Variants in UBE4B observed in about 807,000 individuals in gnomAD.
UBE4B encodes ubiquitination factor E4B.
A neutral mutation model predicts 148.1 loss-of-function variants in UBE4B; 27 were observed. The observed-to-expected ratio is 0.18, with a 90% CI of 0.13 to 0.25. The LOEUF (loss-of-function observed/expected upper bound fraction) is 0.25, where lower values mean the gene tolerates loss of function less well. Ranked by LOEUF, UBE4B falls within the 10% of genes least tolerant of loss-of-function variation. UBE4B has a pLI of 1.00. For synonymous variants in UBE4B, 596 were observed against 619.3 expected, an observed-to-expected ratio of 0.96 and a Z score of 0.56; for missense variants, 1,170 against 1,662.4, an observed-to-expected ratio of 0.70 and a Z score of 5.15.
chr1:10,050,944 G>A (rs760854448), intron 1 of UBE4B, among the ~76,000 whole-genome samples: 1 of 152,028 alleles, frequency 6.6e-6, no homozygotes, highest in Admixed American at 6.5e-5. Context: ...GTAGGCACTT[G>A]ATGAAAAAAG....
intron 11 of UBE4B, among the ~76,000 whole-genome samples, chr1:10,127,747 A>G (rs1385361854): frequency 1.3e-5 from 2 of 152,206 alleles, no homozygotes; most frequent in African/African-American, 4.8e-5. Context: ...TGTGCTAGAC[A>G]CTGGTGATAC....
chr1:10,055,858 G>A (rs1200165727), intron 1 of UBE4B, among the ~76,000 whole-genome samples: 1 of 152,194 alleles, frequency 6.6e-6, no homozygotes, highest in Non-Finnish European at 1.5e-5. Flanking sequence ...GATGGAGGTT[G>A]CAGTGAGCTG....
In UBE4B at chr1:10,132,602, G is replaced by A. The variant is rs146083700; in HGVS notation, c.2025+120G>A. 36 of 737,894 alleles carry A rather than the reference G, an allele frequency of 4.9e-5. 1 individual carries two copies. The East Asian group carries it at 7.5e-4, about 15-fold the overall frequency. 45.7% of individuals were successfully genotyped at this position (737,894 alleles called of 1,614,324 possible). ...GGGTACAGTATTGAACAAGGTAGAC[G>A]AGCTTCCTGCTTTTGTGGAGCCCAT... On this transcript the variant is annotated intron_variant, in intron 15 of 27. Coordinates refer to ENST00000343090, the MANE Select transcript of UBE4B (RefSeq NM_001105562.3).
At chr1:10,092,703 C>T (rs1644868365) in intron 2 of UBE4B, among the ~76,000 whole-genome samples, 1 of 152,070 alleles carries the variant, frequency 6.6e-6, no homozygotes. Flanking sequence ...TGGCGCATGC[C>T]TGTAATCCTA....
chr1:10,119,028 G>A (rs970070080), intron 8 of UBE4B, among the ~76,000 whole-genome samples: 5 of 151,040 alleles, frequency 3.3e-5, no homozygotes, highest in Admixed American at 6.6e-5. Context: ...GACTACAGGC[G>A]TGCACCACCA....
chr1:10,046,629 C>T (rs985678074), intron 1 of UBE4B, among the ~76,000 whole-genome samples: 1 of 152,190 alleles, frequency 6.6e-6, no homozygotes, highest in Non-Finnish European at 1.5e-5. Flanking sequence ...CTTGAAGGAG[C>T]TCCCTTGTGC....
At chr1:10,043,454 C>T (rs1189582573) in intron 1 of UBE4B, among the ~76,000 whole-genome samples, 2 of 106,806 alleles carry the variant, frequency 1.9e-5, no homozygotes, top group African/African-American at 7.5e-5. Context: ...GAGATGGAGT[C>T]TCACTCTTGT....
chr1:10,111,573 A>G (rs1057113680), intron 7 of UBE4B, among the ~76,000 whole-genome samples: 2 of 152,222 alleles, frequency 1.3e-5, no homozygotes, highest in Non-Finnish European at 1.5e-5. Context: ...GACCTACAGC[A>G]GTGCCTAGAA....
rs761228558 is a variant in UBE4B, at chr1:10,146,973, G to A, written c.2474G>A (p.Arg825Gln). 5.0e-6 allele frequency: 8 copies of A among 1,613,782 alleles called. No individual in the cohort carries two copies. Among genetic ancestry groups the A allele is most frequent in the Non-Finnish European group, 5.9e-6 (7 of 1,179,930 alleles). The change falls in exon 19 of 28, where the codon CGG (arginine) becomes CAG (glutamine). Residue 825 changes from arginine to glutamine, a missense_variant. Transcript: ENST00000343090. ...TCCCTGCTTCCACAGAAACTGGTAC[G>A]GTGCAAGGCCTGTGCTGATGCTGGC... is the stretch of plus-strand genomic sequence containing the variant. ...RCKTQLKKLV[R>Q]CKACADAGLL...
chr1:10,173,093 C>T (rs1177413338), intron 25 of UBE4B, among the ~76,000 whole-genome samples: 4 of 152,244 alleles, frequency 2.6e-5, no homozygotes, highest in Middle Eastern at 6.8e-3. Flanking sequence ...TTTCTCAGAG[C>T]GACACATGAC....
At position 10,178,779 on chromosome 1, in the gene UBE4B, G is replaced by T. The variant is rs757353202; in HGVS notation, c.3661G>T (p.Ala1221Ser). The T allele has an allele frequency of 6.2e-7, 1 of 1,613,044 alleles. No individual in the cohort carries two copies. Among genetic ancestry groups the T allele is most frequent in the Non-Finnish European group, 8.5e-7 (1 of 1,179,732 alleles). Residue 1221 changes from alanine to serine, a missense_variant, in exon 26 of 28, where the codon GCA becomes TCA. By Grantham distance (99) the Ala-to-Ser change is moderately conservative (BLOSUM62 1). Around this residue, in one of 6 missense-constraint regions of UBE4B, gnomAD observed 348 missense variants for 627.2 expected, o/e 0.55. Coordinates refer to ENST00000343090, the MANE Select transcript of UBE4B (RefSeq NM_001105562.3). ...VEEIVAKNAR[A>S]EIDYSDAPDE... ...GGAGATAGTGGCCAAGAACGCACGC[G>T]CAGAAATCGACTACAGCGACGCTCC...
chr1:10,132,576 G>T, intron 15 of UBE4B, 94 bp downstream of exon 15: 1 of 1,055,470 alleles, frequency 9.5e-7, no homozygotes, highest in South Asian at 1.4e-5. Context: ...TCTAGGAGTG[G>T]GGGTACAGTA....
At position 10,067,922 on chromosome 1, in the gene UBE4B, G is replaced by T. The variant is rs560634770; in HGVS notation, c.25-4106G>T. Among the ~76,000 whole-genome samples the T allele has an allele frequency of 4.0e-5, 6 of 151,770 alleles. No individual in the cohort carries two copies. In the East Asian group the frequency reaches 1.2e-3, roughly 29 times the overall value. On this transcript the variant is annotated intron_variant, in intron 1 of 27. Transcript: ENST00000343090. ...TTTTTGTATTTTTAGTAGAGACAGGGTTTCACCGTGTTAACCAGGATGGTC... is the reference window on the plus strand; with the variant it reads ...TTTTTGTATTTTTAGTAGAGACAGGTTTTCACCGTGTTAACCAGGATGGTC...
intron 2 of UBE4B, among the ~76,000 whole-genome samples, chr1:10,086,847 G>A (rs754588350): frequency 2.0e-5 from 3 of 151,998 alleles, no homozygotes; most frequent in Non-Finnish European, 2.9e-5. Context: ...GTGCCACCAC[G>A]CCCGGCTAAT....
chr1:10,162,468 C>T (rs917112189), intron 23 of UBE4B, among the ~76,000 whole-genome samples: 8 of 152,092 alleles, frequency 5.3e-5, no homozygotes, highest in Admixed American at 2.6e-4. Flanking sequence ...CCATTGCACC[C>T]GGACAATTTT....
chr1:10,070,909 T>C (rs752829470), intron 1 of UBE4B, among the ~76,000 whole-genome samples: 7 of 152,188 alleles, frequency 4.6e-5, no homozygotes, highest in Non-Finnish European at 1.0e-4. Context: ...AAATTGGCTA[T>C]TTATTCATTA....
At chr1:10,126,728 T>G (rs1645505131) in intron 10 of UBE4B, 66 bp from the exon 11 acceptor site, 2 of 1,378,236 alleles carry the variant, frequency 1.5e-6, no homozygotes, top group Non-Finnish European at 2.1e-6. Flanking sequence ...AGCACCTTAT[T>G]TGACATACTT....
intron 1 of UBE4B, among the ~76,000 whole-genome samples, chr1:10,068,779 G>A (rs962795926): frequency 2.0e-5 from 3 of 152,184 alleles, no homozygotes; most frequent in African/African-American, 7.2e-5. Context: ...AGGGCCTCAG[G>A]TTGCTAAACC....
rs1210448199 is a variant in UBE4B, at chr1:10,144,943, T to C, written c.2367T>C (p.Thr789=). ...RLRAIRELNR[T]VEDLKNNESQ... ...GACTGTTAGTCTTTGATTTCAGAAC[T>C]GTAGAAGATTTGAAAAATAATGAAA... The change falls in exon 18 of 28, where the codon ACT becomes ACC. Residue 789 remains threonine (T), a synonymous_variant. Coordinates refer to ENST00000343090, the MANE Select transcript of UBE4B (RefSeq NM_001105562.3). 6.2e-7 allele frequency: 1 copy of C among 1,612,326 alleles called. No individual in the cohort carries two copies. The highest frequency in any genetic ancestry group is 1.7e-5 in the Admixed American group (1 of 59,820).
Sources: allele counts gnomAD v4.1 joint callset (sites outside exome capture counted in the v4.1 genomes callset), GRCh38; gene constraint gnomAD v4.1.1; regional missense constraint gnomAD v4.1.1; transcripts MANE v1.5; gene names NCBI Gene and HGNC (gene_info 2026-07-23, HGNC 2026-07-21).